Variants in LRP1B observed in about 807,000 individuals in gnomAD.
LRP1B encodes LDL receptor related protein 1B, also known as low-density lipoprotein receptor-related protein 1B.
LRP1B carries 217 observed loss-of-function variants against 556.6 expected under a neutral mutation model. The ratio of observed to expected loss-of-function variants is 0.39; its 90% CI spans 0.35 to 0.44. The LOEUF is 0.44. LRP1B is among the 20% of genes least tolerant of loss of function. The pLI is 1.00. For synonymous variants in LRP1B, 2,047 were observed against 1,865.8 expected (o/e 1.10, Z -2.50); for missense variants, 5,053 against 5,620.8 (o/e 0.90, Z 3.23).
rs1384566758 is a variant in LRP1B, at chr2:141,467,102, G to GTA, written c.343+13292_343+13293dup. Among the ~76,000 whole-genome samples, 199 of 84,350 alleles carry GTA rather than the reference G, an allele frequency of 2.4e-3. 1 individual carries two copies. The highest frequency in any genetic ancestry group is 0.011 in the African/African-American group (186 of 17,000). The allele number at this position is 84,350 out of a possible 152,430, so 55.3% of individuals were successfully genotyped here. A position where few individuals can be genotyped will look rare whatever the true frequency, so the allele number is the denominator to read the frequency against. On this transcript the variant is annotated intron_variant, in intron 3 of 90. Transcript: ENST00000389484. ...TACACACACACACACATATATATGT[G>GTA]TATATATATATATATATATATCTAT...
intron 1 of LRP1B, among the ~76,000 whole-genome samples, chr2:142,013,384 T>G (rs550761167): frequency 6.6e-6 from 1 of 152,176 alleles, no homozygotes; most frequent in South Asian, 2.1e-4. Flanking sequence ...CTAGAACAGG[T>G]TGGCACTTTC....
intron 68 of LRP1B, among the ~76,000 whole-genome samples, chr2:140,373,659 C>A (rs1043352896): frequency 6.6e-6 from 1 of 152,062 alleles, no homozygotes; most frequent in Non-Finnish European, 1.5e-5. Context: ...ATAGCCCCAG[C>A]CACTCAAGAG....
chr2:141,035,010 T>A lies in LRP1B; in HGVS notation c.1789+13976A>T, dbSNP rs536285373. On this transcript the variant is annotated intron_variant, in intron 11 of 90. Transcript: ENST00000389484. Reference sequence around the variant, plus strand: ...AAGAAAATGTGGCACATATATGCCATGGAATACTATGCAGCCATAAAAAAT... The same window carrying A: ...AAGAAAATGTGGCACATATATGCCAAGGAATACTATGCAGCCATAAAAAAT... 4.0e-3 allele frequency among the ~76,000 whole-genome samples: 613 copies of A among 152,126 alleles called. 4 individuals carry two copies. The highest frequency in any genetic ancestry group is 4.5e-3 in the Non-Finnish European group (306 of 67,992).
At chr2:141,032,766 T>G (rs1698408793) in intron 11 of LRP1B, among the ~76,000 whole-genome samples, 1 of 150,338 alleles carries the variant, frequency 6.7e-6, no homozygotes, top group African/African-American at 2.4e-5. Context: ...GCCTTTTTCA[T>G]AGAAATGTGT....
intron 2 of LRP1B, among the ~76,000 whole-genome samples, chr2:141,799,903 C>T (rs1324562370): frequency 6.6e-6 from 1 of 151,422 alleles, no homozygotes; most frequent in Non-Finnish European, 1.5e-5. Flanking sequence ...TACACACAAA[C>T]TTCATGTGCA....
chr2:141,319,314 T>G (rs577337857), intron 3 of LRP1B, among the ~76,000 whole-genome samples: 54 of 149,032 alleles, frequency 3.6e-4, no homozygotes, highest in South Asian at 1.1e-3. Context: ...TTTGTTGTTT[T>G]TTTTTTTTTT....
chr2:140,683,024 C>T (rs962644839), intron 41 of LRP1B, among the ~76,000 whole-genome samples: 2 of 152,124 alleles, frequency 1.3e-5, no homozygotes, highest in Non-Finnish European at 2.9e-5. Context: ...CTTTACACTT[C>T]CTGCAGTTTA....
chr2:141,027,897 T>C lies in LRP1B; in HGVS notation c.1790-7795A>G, dbSNP rs527445605. ...GAGAAGTCATCATCAGTCTGCAACCTGGAAGAGGTCCCTCACCAGAACCTG... is the reference window on the plus strand; with the variant it reads ...GAGAAGTCATCATCAGTCTGCAACCCGGAAGAGGTCCCTCACCAGAACCTG... On this transcript the variant is annotated intron_variant, in intron 11 of 90. Coordinates refer to ENST00000389484, the MANE Select transcript of LRP1B (RefSeq NM_018557.3). Among the ~76,000 whole-genome samples, 384 of 152,228 alleles carry C rather than the reference T, an allele frequency of 2.5e-3. 2 individuals are homozygous for C. The highest frequency in any genetic ancestry group is 8.5e-3 in the African/African-American group (352 of 41,574).
At chr2:141,727,064 A>G (rs960230449) in intron 2 of LRP1B, among the ~76,000 whole-genome samples, 5 of 152,180 alleles carry the variant, frequency 3.3e-5, no homozygotes, top group African/African-American at 1.2e-4. Flanking sequence ...AAAATTACCC[A>G]TGCAAAGCCA....
At chr2:141,376,229 T>G (rs1485485010) in intron 3 of LRP1B, among the ~76,000 whole-genome samples, 1 of 152,184 alleles carries the variant, frequency 6.6e-6, no homozygotes. Context: ...AACATCTCTG[T>G]GCAATCTTTA....
At chr2:140,417,493 C>T (rs555253731) in intron 66 of LRP1B, among the ~76,000 whole-genome samples, 29 of 152,294 alleles carry the variant, frequency 1.9e-4, no homozygotes, top group African/African-American at 6.5e-4. Flanking sequence ...AATAACAAGG[C>T]AACAAGGCTT....
chr2:140,708,383 T>G (rs1686914773), intron 37 of LRP1B, among the ~76,000 whole-genome samples: 1 of 151,968 alleles, frequency 6.6e-6, no homozygotes, highest in South Asian at 2.1e-4. Flanking sequence ...AGTTTACATT[T>G]GAGCCTTTCT....
At chr2:140,340,731 T>G (rs917334888) in intron 77 of LRP1B, among the ~76,000 whole-genome samples, 1 of 151,030 alleles carries the variant, frequency 6.6e-6, no homozygotes, top group Non-Finnish European at 1.5e-5. Context: ...CAAAGTTTTG[T>G]TTTTTTTCTT....
intron 1 of LRP1B, among the ~76,000 whole-genome samples, chr2:142,023,681 G>A (rs1228921712): frequency 6.6e-6 from 1 of 152,118 alleles, no homozygotes. Flanking sequence ...AAAATGCCTT[G>A]AGCCAATTAA....
At chr2:140,332,250 C>T (rs777630216) in intron 79 of LRP1B, among the ~76,000 whole-genome samples, 1 of 152,002 alleles carries the variant, frequency 6.6e-6, no homozygotes, top group Admixed American at 6.6e-5. Context: ...TTATAAAACA[C>T]GACAATGACA....
chr2:140,566,883 C>T (rs570623745), intron 43 of LRP1B, among the ~76,000 whole-genome samples: 1 of 152,282 alleles, frequency 6.6e-6, no homozygotes, highest in South Asian at 2.1e-4. Context: ...AGTGATCATG[C>T]ACAATACTTA....
chr2:141,122,314 A>G (rs368603376), intron 7 of LRP1B, among the ~76,000 whole-genome samples: 8,844 of 152,078 alleles, frequency 0.058, 611 homozygotes, highest in African/African-American at 0.16. Context: ...GTGAACAGGC[A>G]ACCTACAGAA....
intron 66 of LRP1B, among the ~76,000 whole-genome samples, chr2:140,393,871 T>A (rs148441538): frequency 1.3e-5 from 2 of 152,292 alleles, no homozygotes; most frequent in African/African-American, 4.8e-5. Flanking sequence ...CTCTTAACTA[T>A]CAAAGCATGA....
chr2:141,019,826 T>A, intron 12 of LRP1B, 96 bp downstream of exon 12: 1 of 914,292 alleles, frequency 1.1e-6, no homozygotes, highest in Non-Finnish European at 1.6e-6. Flanking sequence ...AAATCAGCTA[T>A]ACATATGGAT....
Sources: gnomAD v4.1 joint callset for allele counts (sites outside exome capture counted in the v4.1 genomes callset) on GRCh38, gnomAD v4.1.1 for gene constraint, MANE v1.5 for transcripts, NCBI Gene and HGNC (gene_info 2026-07-23, HGNC 2026-07-21) for gene names.